MSH4: variants seen among roughly 807,000 people sequenced by gnomAD.
The protein encoded by MSH4 is mutS protein homolog 4.
Under a neutral mutation model 113.7 loss-of-function variants are expected in MSH4, and 106 were observed. The ratio of observed to expected loss-of-function variants is 0.93; its 90% CI spans 0.80 to 1.10. MSH4 has a LOEUF of 1.10. Ranked by LOEUF, MSH4 falls within the 50% of genes least tolerant of loss-of-function variation. MSH4 has a pLI of 0.00. For missense variants in MSH4, 1,061 were observed against 1,093.7 expected, an observed-to-expected ratio of 0.97 and a Z score of 0.42; for synonymous variants, 368 against 380.2, an observed-to-expected ratio of 0.97 and a Z score of 0.37.
intron 17 of MSH4, among the ~76,000 whole-genome samples, chr1:75,892,417 C>G (rs1193869200): frequency 2.6e-5 from 4 of 151,916 alleles, no homozygotes; most frequent in Non-Finnish European, 5.9e-5. Flanking sequence ...ACTCTCACTC[C>G]TGCCCCACCC....
intron 17 of MSH4, among the ~76,000 whole-genome samples, chr1:75,893,625 C>G (rs1570994464): frequency 1.3e-5 from 2 of 152,214 alleles, no homozygotes. Flanking sequence ...TTCTTTGCCT[C>G]TAGACCTATA....
chr1:75,889,872 T>C (rs937071790), intron 16 of MSH4, among the ~76,000 whole-genome samples: 1 of 152,104 alleles, frequency 6.6e-6, no homozygotes, highest in Non-Finnish European at 1.5e-5. Context: ...GGGATATCTG[T>C]ATTATGAATT....
At position 75,889,231 on chromosome 1, in the gene MSH4, C is replaced by A; in HGVS notation, c.2108-20C>A. ...ATTTTATAAACACATTTCAGTTTAT[C>A]TTGACCTTATATTTTACAGGATCAT... On this transcript the variant is annotated intron_variant, in intron 15 of 19. Coordinates refer to ENST00000263187, the MANE Select transcript of MSH4 (RefSeq NM_002440.4). The A allele has an allele frequency of 9.0e-7, 1 of 1,105,834 alleles. No individual in the cohort carries two copies. The highest frequency in any genetic ancestry group is 1.4e-6 in the Non-Finnish European group (1 of 739,456). 68.5% of individuals were successfully genotyped at this position (1,105,834 alleles called of 1,614,324 possible).
chr1:75,896,394 C>CACACACACAT (rs571761055), intron 17 of MSH4, among the ~76,000 whole-genome samples: 5,493 of 147,150 alleles, frequency 0.037, 218 homozygotes, highest in Admixed American at 0.05. Context: ...CACACACACA[C>CACACACACAT]CCTATTGGTC....
intron 6 of MSH4, among the ~76,000 whole-genome samples, chr1:75,821,105 C>T (rs1325685846): frequency 1.1e-4 from 16 of 150,038 alleles, no homozygotes; most frequent in Admixed American, 6.0e-4. Flanking sequence ...AATATACATT[C>T]TTTTCAGCAC....
chr1:75,904,286 T>C (rs1297980100), intron 19 of MSH4, among the ~76,000 whole-genome samples: 1 of 152,100 alleles, frequency 6.6e-6, no homozygotes, highest in Non-Finnish European at 1.5e-5. Flanking sequence ...GTTGGGTTCT[T>C]AATTTATGTT....
At chr1:75,845,928 C>T (rs1418629014) in intron 7 of MSH4, among the ~76,000 whole-genome samples, 2 of 152,150 alleles carry the variant, frequency 1.3e-5, no homozygotes, top group African/African-American at 2.4e-5. Context: ...CAGAAGCCAC[C>T]ATGGCTTCAT....
chr1:75,885,043 G>GTATATATATATA (rs1204341039), intron 15 of MSH4, among the ~76,000 whole-genome samples: 1 of 104,004 alleles, frequency 9.6e-6, no homozygotes, highest in African/African-American at 4.6e-5. Context: ...GTGTGTGTGT[G>GTATATATATATA]TGTGTGTGTG....
At chr1:75,897,581 A>T (rs1448555621) in intron 17 of MSH4, among the ~76,000 whole-genome samples, 3 of 152,176 alleles carry the variant, frequency 2.0e-5, no homozygotes, top group Non-Finnish European at 4.4e-5. Context: ...ACTTCAATTC[A>T]TAGCTTTGTT....
chr1:75,886,006 G>T, intron 15 of MSH4, among the ~76,000 whole-genome samples: 1 of 73,056 alleles, frequency 1.4e-5, no homozygotes, highest in Non-Finnish European at 2.4e-5. Flanking sequence ...AGCATGTATA[G>T]TATATATGAT....
In MSH4 at chr1:75,846,065, TGA is replaced by T. The variant is rs1651068576; in HGVS notation, c.1163-2140_1163-2139del. ...TCACCTGAGCTACAGTTGTGGTGGCTGAGAGGTGCTATGCCAGAATTAAGGAA... is the reference window on the plus strand; with the variant it reads ...TCACCTGAGCTACAGTTGTGGTGGCTGAGGTGCTATGCCAGAATTAAGGAA... On this transcript the variant is annotated intron_variant, in intron 7 of 19. Coordinates refer to ENST00000263187, the MANE Select transcript of MSH4 (RefSeq NM_002440.4). Among the ~76,000 whole-genome samples, 3 of 118,260 alleles carry T rather than the reference TGA, an allele frequency of 2.5e-5. No homozygotes were observed. The South Asian group carries it at 7.0e-4, about 28-fold the overall frequency. 77.6% of individuals were successfully genotyped at this position (118,260 alleles called of 152,430 possible).
intron 7 of MSH4, among the ~76,000 whole-genome samples, chr1:75,828,937 T>A (rs1650618693): frequency 6.6e-6 from 1 of 152,156 alleles, no homozygotes; most frequent in Non-Finnish European, 1.5e-5. Context: ...TGGGTTCATC[T>A]CACTGGGGCT....
chr1:75,891,287 A>C (rs1340625968), intron 17 of MSH4, among the ~76,000 whole-genome samples: 2 of 152,156 alleles, frequency 1.3e-5, no homozygotes, highest in African/African-American at 4.8e-5. Context: ...TTTTTGCTCT[A>C]TTAAATTAAT....
intron 9 of MSH4, among the ~76,000 whole-genome samples, chr1:75,876,107 T>C (rs377750468): frequency 2.0e-5 from 3 of 152,236 alleles, no homozygotes; most frequent in Admixed American, 6.5e-5. Flanking sequence ...TATGTACATA[T>C]GCAAATATTC....
chr1:75,797,006 A>G lies in MSH4; in HGVS notation c.21A>G (p.Ser7=). 6.2e-7 allele frequency: 1 copy of G among 1,614,088 alleles called. No individual in the cohort carries two copies. The highest frequency in any genetic ancestry group is 8.5e-7 in the Non-Finnish European group (1 of 1,180,024). Residue 7 remains serine (S), a synonymous_variant, in exon 1 of 20, where the codon TCA becomes TCG. Transcript: ENST00000263187. MLRPEI[S]STSPSAPAVS... ...GGAGGATGCTGAGGCCTGAGATCTCATCAACCTCGCCTTCTGCCCCGGCGG... is the reference window on the plus strand; with the variant it reads ...GGAGGATGCTGAGGCCTGAGATCTCGTCAACCTCGCCTTCTGCCCCGGCGG...
rs1369082371 is a variant in MSH4, at chr1:75,882,667, A to ATT, written c.1907-954_1907-953insTT. ...AACATAGCTAGACCTCATTTCTAAA[A>ATT]AAAAAAAAAAAAAAAAAAAAAATCG... On this transcript the variant is annotated intron_variant, in intron 14 of 19. Coordinates refer to ENST00000263187, the MANE Select transcript of MSH4 (RefSeq NM_002440.4). Among the ~76,000 whole-genome samples, 347 of 73,808 alleles carry ATT rather than the reference A, an allele frequency of 4.7e-3. 3 individuals carry two copies. The highest frequency in any genetic ancestry group is 0.018 in the African/African-American group (322 of 18,390). The allele number at this position is 73,808 out of a possible 152,430, so 48.4% of individuals were successfully genotyped here.
At position 75,899,711 on chromosome 1, in the gene MSH4, G is replaced by A; in HGVS notation, c.2619+5G>A. On this transcript the variant is annotated splice_donor_5th_base_variant and intron_variant, in intron 19 of 19. Coordinates refer to ENST00000263187, the MANE Select transcript of MSH4 (RefSeq NM_002440.4). ...CAAATTACGAGACAAATTTTGGTAA[G>A]AAACTTTGTTCTTATTTGTTCTTCA... is the stretch of plus-strand genomic sequence containing the variant. 1 of 1,475,506 alleles carries A rather than the reference G, an allele frequency of 6.8e-7. No homozygotes were observed. Among genetic ancestry groups the A allele is most frequent in the South Asian group, 1.5e-5 (1 of 66,962 alleles). The allele number at this position is 1,475,506 out of a possible 1,614,324, so 91.4% of individuals were successfully genotyped here. A position where few individuals can be genotyped will look rare whatever the true frequency, so the allele number is the denominator to read the frequency against.
chr1:75,908,771 C>G (rs1444358778), intron 19 of MSH4, among the ~76,000 whole-genome samples: 1 of 152,132 alleles, frequency 6.6e-6, no homozygotes, highest in East Asian at 1.9e-4. Flanking sequence ...TGTGATTCCC[C>G]TTAATCCTAG....
chr1:75,809,151 C>G (rs1650132813), intron 3 of MSH4, among the ~76,000 whole-genome samples: 1 of 152,096 alleles, frequency 6.6e-6, no homozygotes. Context: ...ATCCTGCCCC[C>G]TCAGAAGTTG....
Sources: gnomAD v4.1 joint callset for allele counts (sites outside exome capture counted in the v4.1 genomes callset) on GRCh38, gnomAD v4.1.1 for gene constraint, MANE v1.5 for transcripts, NCBI Gene and HGNC (gene_info 2026-07-23, HGNC 2026-07-21) for gene names.